CLIC5: variants seen among roughly 807,000 people sequenced by gnomAD.
CLIC5 encodes chloride intracellular channel protein 5.
CLIC5 carries 20 observed loss-of-function variants against 24.7 expected under a neutral mutation model. The observed-to-expected ratio is 0.81, with a 90% CI of 0.57 to 1.18. The LOEUF is 1.18. Ranked by LOEUF, CLIC5 falls within the 50% of genes most tolerant of loss-of-function variation. The probability of loss-of-function intolerance (pLI) is 0.00; values close to 1 mark genes in which losing one functional copy is unlikely to be tolerated. For missense variants in CLIC5, 341 were observed against 326.1 expected, an observed-to-expected ratio of 1.05 and a Z score of -0.35; for synonymous variants, 159 against 135.6, an observed-to-expected ratio of 1.17 and a Z score of -1.20.
rs112170184 is a variant in CLIC5, at chr6:45,983,107, C to T, written c.64-27863G>A. Reference sequence around the variant, plus strand: ...ACAAAGGAGGTGGGCTTCCTTGTAACGTACATTCAGTGAGAGATCATAATG... The same window carrying T: ...ACAAAGGAGGTGGGCTTCCTTGTAATGTACATTCAGTGAGAGATCATAATG... On this transcript the variant is annotated intron_variant, in intron 1 of 5. Transcript: ENST00000339561. Among the ~76,000 whole-genome samples, 865 of 152,280 alleles carry T rather than the reference C, an allele frequency of 5.7e-3. 5 individuals are homozygous for T. Among genetic ancestry groups the T allele is most frequent in the African/African-American group, 0.019 (801 of 41,538 alleles).
chr6:46,026,873 T>G (rs1767345131), intron 1 of CLIC5, among the ~76,000 whole-genome samples: 1 of 152,054 alleles, frequency 6.6e-6, no homozygotes, highest in Admixed American at 6.5e-5. Flanking sequence ...GAAAAGATGC[T>G]CCTTGTCTAA....
intron 1 of CLIC5, among the ~76,000 whole-genome samples, chr6:46,078,718 A>G (rs1762841557): frequency 6.6e-6 from 1 of 152,218 alleles, no homozygotes; most frequent in Non-Finnish European, 1.5e-5. Flanking sequence ...ACTATACTAG[A>G]TTATTTTTAA....
intron 3 of CLIC5, among the ~76,000 whole-genome samples, chr6:45,943,753 A>C (rs190168104): frequency 6.6e-6 from 1 of 152,302 alleles, no homozygotes; most frequent in East Asian, 1.9e-4. Flanking sequence ...TGTGGTACCA[A>C]ATCCAAGATG....
the CLIC5 span, among the ~76,000 whole-genome samples, chr6:46,129,232 C>T: frequency 6.6e-6 from 1 of 152,184 alleles, no homozygotes; most frequent in Non-Finnish European, 1.5e-5. Flanking sequence ...TTTGGCACTA[C>T]AGATAAAAAG....
rs1305263353 is a variant in CLIC5, at chr6:46,035,018, GA to G, written c.540+44684del. Among the ~76,000 whole-genome samples the G allele has an allele frequency of 3.3e-5, 5 of 152,304 alleles. No homozygotes were observed. In the East Asian group the frequency reaches 9.6e-4, roughly 29 times the overall value. ...TTGTCCTCAGCATTAAATGGCACCT[GA>G]TTCAAAATAGGTGCCTGACACATTA... On this transcript the variant is annotated intron_variant, in intron 1 of 5. Transcript: ENST00000185206.
At position 45,901,404 on chromosome 6, in the gene CLIC5, T is replaced by A. The variant is rs897336558; in HGVS notation, c.*1684A>T. 2 of 152,166 alleles carry A rather than the reference T, an allele frequency of 1.3e-5. No individual in the cohort carries two copies. Among genetic ancestry groups the A allele is most frequent in the Non-Finnish European group, 2.9e-5 (2 of 68,052 alleles). The allele number at this position is 152,166 out of a possible 1,614,324, so 9.4% of individuals were successfully genotyped here. A position where few individuals can be genotyped will look rare whatever the true frequency, so the allele number is the denominator to read the frequency against. ...TGATTTGATCAATGGGTTACTTTTT[T>A]TCTTCAGAGATCCCTGGAGGCAGGT... On this transcript the variant is annotated 3_prime_UTR_variant, in exon 6 of 6. Coordinates refer to ENST00000339561, the MANE Select transcript of CLIC5 (RefSeq NM_016929.5).
At chr6:45,971,373 T>A (rs1765195180) in intron 1 of CLIC5, among the ~76,000 whole-genome samples, 1 of 152,196 alleles carries the variant, frequency 6.6e-6, no homozygotes, top group Non-Finnish European at 1.5e-5. Context: ...TACATGTTTT[T>A]AAAAAAATTT....
At chr6:45,912,602 A>G in intron 5 of CLIC5, 2 of 1,457,526 alleles carry the variant, frequency 1.4e-6, no homozygotes, top group Non-Finnish European at 1.8e-6. Flanking sequence ...AAAAGATTAA[A>G]TGATGTGCCT....
At chr6:45,997,673 A>G (rs1311101413) in intron 1 of CLIC5, among the ~76,000 whole-genome samples, 2 of 152,184 alleles carry the variant, frequency 1.3e-5, no homozygotes, top group East Asian at 3.8e-4. Context: ...ATACAAACAT[A>G]TGAATAGTGG....
In CLIC5 at chr6:45,914,366, G is replaced by A; in HGVS notation, c.450C>T (p.Asp150=). Residue 150 remains aspartate (D), a synonymous_variant, in exon 5 of 6, where the codon GAC becomes GAT. Coordinates refer to ENST00000339561, the MANE Select transcript of CLIC5 (RefSeq NM_016929.5). The part of the protein sequence containing the change: ...GLTKALKKLD[D]YLNTPLPEEI... Reference sequence around the variant, plus strand: ...CCTCTGGTAGAGGGGTGTTCAGGTAGTCATCCAATTTCTTTAGAGCCTTGG... The same window carrying A: ...CCTCTGGTAGAGGGGTGTTCAGGTAATCATCCAATTTCTTTAGAGCCTTGG... 6.3e-7 allele frequency: 1 copy of A among 1,596,396 alleles called. No homozygotes were observed. Among genetic ancestry groups the A allele is most frequent in the African/African-American group, 1.3e-5 (1 of 74,830 alleles).
At chr6:46,028,983 C>G (rs1042923725) in intron 1 of CLIC5, among the ~76,000 whole-genome samples, 1 of 152,196 alleles carries the variant, frequency 6.6e-6, no homozygotes, top group South Asian at 2.1e-4. Flanking sequence ...TCCCCCACCC[C>G]CACTAACCCC....
At chr6:46,066,960 G>C (rs1762459666) in intron 1 of CLIC5, among the ~76,000 whole-genome samples, 1 of 152,154 alleles carries the variant, frequency 6.6e-6, no homozygotes, top group African/African-American at 2.4e-5. Context: ...GAGTGAGGTA[G>C]AGCATGGTGG....
At chr6:46,034,691 G>A (rs1767613161) in intron 1 of CLIC5, among the ~76,000 whole-genome samples, 1 of 152,216 alleles carries the variant, frequency 6.6e-6, no homozygotes, top group African/African-American at 2.4e-5. Context: ...TTCTGCCTTA[G>A]CTTCATTGGA....
At chr6:46,059,938 T>C (rs1378877172) in intron 1 of CLIC5, among the ~76,000 whole-genome samples, 1 of 152,376 alleles carries the variant, frequency 6.6e-6, no homozygotes, top group African/African-American at 2.4e-5. Context: ...AGTAGTTTCA[T>C]AGTTTGAAGT....
At chr6:45,881,471 G>A (rs952453245) in intron 6 of CLIC5, among the ~76,000 whole-genome samples, 1 of 152,104 alleles carries the variant, frequency 6.6e-6, no homozygotes, top group South Asian at 2.1e-4. Context: ...CTCCCCGTTA[G>A]GTGATGAGTG....
the CLIC5 span, among the ~76,000 whole-genome samples, chr6:46,118,663 T>C: frequency 1.3e-5 from 2 of 152,234 alleles, no homozygotes; most frequent in Admixed American, 6.5e-5. Context: ...TTAACCAAAC[T>C]TTCCAGCCTC....
intron 1 of CLIC5, among the ~76,000 whole-genome samples, chr6:46,055,103 T>C (rs1262872470): frequency 6.6e-6 from 1 of 152,210 alleles, no homozygotes; most frequent in Non-Finnish European, 1.5e-5. Context: ...TTTCTTTCTT[T>C]CTTTCTTTCT....
At chr6:46,014,019 C>T (rs1354814660) in intron 1 of CLIC5, among the ~76,000 whole-genome samples, 37 of 152,004 alleles carry the variant, frequency 2.4e-4, no homozygotes, top group Non-Finnish European at 1.5e-5. Context: ...TGCCAAAGGA[C>T]CTGGAAATCC....
At chr6:45,938,096 A>T (rs1049581727) in intron 4 of CLIC5, among the ~76,000 whole-genome samples, 1 of 152,188 alleles carries the variant, frequency 6.6e-6, no homozygotes, top group African/African-American at 2.4e-5. Context: ...AAGTTGGAGA[A>T]CTAGGTGCAG....
Sources: gnomAD v4.1 joint callset for allele counts (sites outside exome capture counted in the v4.1 genomes callset) on GRCh38, gnomAD v4.1.1 for gene constraint, MANE v1.5 for transcripts, NCBI Gene and HGNC (gene_info 2026-07-23, HGNC 2026-07-21) for gene names.